CPNE4: variants seen among roughly 807,000 people sequenced by gnomAD.
The protein encoded by CPNE4 is copine 4, also known as copine-4.
A neutral mutation model predicts 67.9 loss-of-function variants in CPNE4; 25 were observed. The observed-to-expected ratio is 0.37, with a 90% CI of 0.27 to 0.51. The LOEUF is 0.51. CPNE4 is among the 20% of genes least tolerant of loss of function. The pLI is 0.93. For synonymous variants in CPNE4, 242 were observed against 244.9 expected (o/e 0.99, Z 0.11); for missense variants, 464 against 690.8 (o/e 0.67, Z 3.68).
At chr3:131,679,516 T>C (rs1028105897) in intron 6 of CPNE4, among the ~76,000 whole-genome samples, 2 of 152,166 alleles carry the variant, frequency 1.3e-5, no homozygotes, top group African/African-American at 4.8e-5. Context: ...TCAGTTGTGA[T>C]GTTAGGTTGT....
chr3:132,020,445 C>T (rs1479847276), intron 1 of CPNE4, among the ~76,000 whole-genome samples: 1 of 152,168 alleles, frequency 6.6e-6, no homozygotes, highest in Non-Finnish European at 1.5e-5. Flanking sequence ...ATCTGTGGAG[C>T]TGAGCTGAGA....
At chr3:131,720,171 G>A (rs898073315) in intron 3 of CPNE4, among the ~76,000 whole-genome samples, 1 of 151,908 alleles carries the variant, frequency 6.6e-6, no homozygotes. Context: ...ACCGGCATCT[G>A]TATTTCTTTG....
chr3:131,854,215 T>A (rs1198970819), intron 2 of CPNE4, among the ~76,000 whole-genome samples: 2 of 151,868 alleles, frequency 1.3e-5, no homozygotes, highest in Admixed American at 6.6e-5. Context: ...ACTATGGATA[T>A]TTAAAACAAC....
intron 3 of CPNE4, among the ~76,000 whole-genome samples, chr3:131,721,973 T>C (rs916673437): frequency 2.0e-5 from 3 of 152,222 alleles, no homozygotes; most frequent in African/African-American, 7.2e-5. Flanking sequence ...TTTCAGATTC[T>C]CTTTCTGTCT....
At chr3:131,555,653 G>T in intron 11 of CPNE4, 102 bp from the exon 12 acceptor site, 1 of 954,120 alleles carries the variant, frequency 1.0e-6, no homozygotes, top group Non-Finnish European at 1.7e-6. Context: ...GCTAGGCCAT[G>T]TTGCTATGCC....
intron 1 of CPNE4, among the ~76,000 whole-genome samples, chr3:131,922,931 A>C (rs554578406): frequency 1.3e-5 from 2 of 152,348 alleles, no homozygotes; most frequent in South Asian, 4.1e-4. Flanking sequence ...ATTTGAAAGA[A>C]CTATGATTTA....
chr3:132,012,898 A>G (rs1219173025), intron 1 of CPNE4, among the ~76,000 whole-genome samples: 1 of 152,112 alleles, frequency 6.6e-6, no homozygotes, highest in East Asian at 1.9e-4. Context: ...CACCAAAGAG[A>G]AGGTCCTAAT....
intron 2 of CPNE4, among the ~76,000 whole-genome samples, chr3:131,820,543 A>C (rs1323197076): frequency 6.6e-6 from 1 of 152,212 alleles, no homozygotes. Flanking sequence ...TGAGTGCTGC[A>C]TTTCTATATG....
At chr3:131,654,709 C>G (rs1168329970) in intron 7 of CPNE4, among the ~76,000 whole-genome samples, 1 of 152,178 alleles carries the variant, frequency 6.6e-6, no homozygotes, top group Admixed American at 6.5e-5. Context: ...TGAATTTTCA[C>G]CCTTAAATCC....
rs545048869 is a variant in CPNE4, at chr3:131,843,756, A to G, written c.180+61508T>C. Among the ~76,000 whole-genome samples, 54 of 152,256 alleles carry G rather than the reference A, an allele frequency of 3.5e-4. 1 individual carries two copies. The highest frequency in any genetic ancestry group is 1.3e-3 in the African/African-American group (54 of 41,542). ...CTATGAGGATGAAATGATACTCCAT[A>G]TATCAAGCACTGGAAGTGTGAGTCT... On this transcript the variant is annotated intron_variant, in intron 2 of 15. Transcript: ENST00000429747.
chr3:131,627,007 A>G (rs1367481642), intron 7 of CPNE4, among the ~76,000 whole-genome samples: 2 of 152,088 alleles, frequency 1.3e-5, no homozygotes, highest in Non-Finnish European at 2.9e-5. Flanking sequence ...AGCCTGACCA[A>G]CATGGTGAAA....
At chr3:131,888,800 C>T (rs1413786868) in intron 2 of CPNE4, among the ~76,000 whole-genome samples, 4 of 144,310 alleles carry the variant, frequency 2.8e-5, no homozygotes, top group African/African-American at 2.4e-5. Context: ...TAATTTCCCA[C>T]TAGGAAAGTC....
chr3:131,916,007 G>A (rs1234712905), intron 1 of CPNE4, among the ~76,000 whole-genome samples: 4 of 152,160 alleles, frequency 2.6e-5, no homozygotes, highest in Non-Finnish European at 4.4e-5. Context: ...CTGACAGAAA[G>A]TTTTAAGAGT....
At chr3:131,743,928 A>G (rs1036562709) in intron 2 of CPNE4, among the ~76,000 whole-genome samples, 1 of 120,282 alleles carries the variant, frequency 8.3e-6, no homozygotes, top group Admixed American at 1.2e-4. Flanking sequence ...GCGCCACTGC[A>G]CTCCAGCCTG....
At chr3:131,787,117 C>G (rs558255251) in intron 2 of CPNE4, among the ~76,000 whole-genome samples, 1 of 152,230 alleles carries the variant, frequency 6.6e-6, no homozygotes, top group African/African-American at 2.4e-5. Context: ...CCTGGTACAC[C>G]AAAGTCATTT....
At chr3:131,626,056 A>T (rs1182558212) in intron 7 of CPNE4, among the ~76,000 whole-genome samples, 2 of 152,208 alleles carry the variant, frequency 1.3e-5, no homozygotes, top group African/African-American at 2.4e-5. Flanking sequence ...AACTTAAACA[A>T]TTAATGTGTG....
intron 7 of CPNE4, among the ~76,000 whole-genome samples, chr3:131,613,633 C>G (rs1455612792): frequency 1.3e-5 from 2 of 152,166 alleles, no homozygotes; most frequent in Non-Finnish European, 1.5e-5. Flanking sequence ...CTAAGTATTG[C>G]TTTGGCATGT....
chr3:131,837,606 T>A (rs536290698), intron 2 of CPNE4, among the ~76,000 whole-genome samples: 165 of 152,054 alleles, frequency 1.1e-3, no homozygotes, highest in African/African-American at 3.8e-3. Context: ...TAGATCTATA[T>A]CCTGATAGTG....
intron 1 of CPNE4, among the ~76,000 whole-genome samples, chr3:132,014,187 C>G (rs1412489150): frequency 2.6e-5 from 4 of 152,112 alleles, no homozygotes; most frequent in Non-Finnish European, 4.4e-5. Context: ...GTAAAGAAAG[C>G]CCCTCCTTCA....
Sources: allele counts gnomAD v4.1 joint callset (sites outside exome capture counted in the v4.1 genomes callset), GRCh38; gene constraint gnomAD v4.1.1; transcripts MANE v1.5; gene names NCBI Gene and HGNC (gene_info 2026-07-23, HGNC 2026-07-21).